UVRAG: variants seen among roughly 807,000 people sequenced by gnomAD.
UVRAG encodes the protein UV radiation resistance-associated gene protein.
Under a neutral mutation model 78.0 loss-of-function variants are expected in UVRAG, and 19 were observed. The ratio of observed to expected loss-of-function variants is 0.24; its 90% CI spans 0.17 to 0.36. The LOEUF is 0.36. Ranked by LOEUF, UVRAG falls within the 10% of genes least tolerant of loss-of-function variation. The pLI is 1.00. For missense variants in UVRAG, 740 were observed against 853.8 expected, an observed-to-expected ratio of 0.87 and a Z score of 1.66; for synonymous variants, 323 against 324.6, an observed-to-expected ratio of 1.00 and a Z score of 0.05.
At chr11:76,010,228 C>T (rs1364988763) in intron 11 of UVRAG, among the ~76,000 whole-genome samples, 2 of 152,076 alleles carry the variant, frequency 1.3e-5, no homozygotes, top group Non-Finnish European at 2.9e-5. Flanking sequence ...TCCTGGGATA[C>T]AGAACATTAT....
At chr11:76,038,837 T>C (rs573593960) in intron 12 of UVRAG, among the ~76,000 whole-genome samples, 3 of 152,310 alleles carry the variant, frequency 2.0e-5, no homozygotes, top group Non-Finnish European at 4.4e-5. Flanking sequence ...GAGTGAAATA[T>C]GGCTGACAGC....
intron 12 of UVRAG, 94 bp downstream of exon 12, chr11:76,017,074 A>T: frequency 1.1e-6 from 1 of 949,070 alleles, no homozygotes; most frequent in Non-Finnish European, 1.5e-6. Flanking sequence ...CTAAATTATG[A>T]CAACTTTTAT....
At chr11:76,052,865 C>A (rs1801903388) in intron 12 of UVRAG, among the ~76,000 whole-genome samples, 1 of 151,788 alleles carries the variant, frequency 6.6e-6, no homozygotes, top group Non-Finnish European at 1.5e-5. Context: ...GTTTATAATT[C>A]CCTATTCGAT....
chr11:75,832,298 A>G (rs1231692423), intron 1 of UVRAG, among the ~76,000 whole-genome samples: 1 of 152,182 alleles, frequency 6.6e-6, no homozygotes, highest in African/African-American at 2.4e-5. Flanking sequence ...GCTCCCACAG[A>G]CGTCAGTCCC....
intron 13 of UVRAG, among the ~76,000 whole-genome samples, chr11:76,081,123 G>T (rs915748625): frequency 6.6e-6 from 1 of 152,174 alleles, no homozygotes; most frequent in African/African-American, 2.4e-5. Flanking sequence ...AAGAGCTCTA[G>T]ATTGTGTTCT....
chr11:75,925,559 G>A (rs751369380), intron 6 of UVRAG, among the ~76,000 whole-genome samples: 9 of 152,066 alleles, frequency 5.9e-5, no homozygotes, highest in Non-Finnish European at 1.3e-4. Flanking sequence ...TATTCTAGTA[G>A]GACAGATAAC....
intron 14 of UVRAG, among the ~76,000 whole-genome samples, chr11:76,116,431 G>A (rs1952181507): frequency 6.6e-6 from 1 of 152,208 alleles, no homozygotes. Context: ...AAGCAGATAA[G>A]GAATAGGTCA....
rs1416440828 is a variant in UVRAG, at chr11:76,064,209, T to C, written c.1227-1501T>C. ...AGTTTCTAGATTTATACCTTGAAAA[T>C]AGAGATAGCTATGGGTTTGGAGAGC... is the stretch of plus-strand genomic sequence containing the variant. On this transcript the variant is annotated intron_variant, in intron 12 of 14. Transcript: ENST00000356136. Among the ~76,000 whole-genome samples, 14 of 152,296 alleles carry C rather than the reference T, an allele frequency of 9.2e-5. 1 individual carries two copies. Among genetic ancestry groups the C allele is most frequent in the South Asian group, 4.1e-4 (2 of 4,820 alleles).
chr11:75,862,080 A>G (rs1450346339), intron 3 of UVRAG, among the ~76,000 whole-genome samples: 1 of 152,142 alleles, frequency 6.6e-6, no homozygotes, highest in African/African-American at 2.4e-5. Context: ...AACTTACAGT[A>G]TAATAATAAT....
chr11:75,943,231 A>T (rs115201352), intron 6 of UVRAG, among the ~76,000 whole-genome samples: 1 of 150,976 alleles, frequency 6.6e-6, no homozygotes, highest in Non-Finnish European at 1.5e-5. Flanking sequence ...TTATCGATCT[A>T]TTCAGGTTTT....
At chr11:76,022,657 T>C (rs958807680) in intron 12 of UVRAG, among the ~76,000 whole-genome samples, 9 of 152,208 alleles carry the variant, frequency 5.9e-5, no homozygotes, top group African/African-American at 1.9e-4. Flanking sequence ...TGAACCTTTT[T>C]ATCTAGAATA....
At chr11:75,910,787 G>T (rs549898363) in intron 5 of UVRAG, among the ~76,000 whole-genome samples, 66 of 152,164 alleles carry the variant, frequency 4.3e-4, no homozygotes, top group African/African-American at 1.5e-3. Context: ...TCTTCTTCTG[G>T]AATTGTCCTG....
intron 13 of UVRAG, among the ~76,000 whole-genome samples, chr11:76,067,107 T>G (rs1951204446): frequency 6.6e-6 from 1 of 152,154 alleles, no homozygotes; most frequent in South Asian, 2.1e-4. Context: ...TTTTAATTTG[T>G]TTTTTATTAA....
intron 4 of UVRAG, among the ~76,000 whole-genome samples, chr11:75,885,860 A>T (rs1179635982): frequency 1.3e-5 from 2 of 152,160 alleles, no homozygotes; most frequent in Non-Finnish European, 2.9e-5. Context: ...TGGTTGCCTT[A>T]TTCCTAATAC....
chr11:75,938,472 A>C (rs1052724683), intron 6 of UVRAG, among the ~76,000 whole-genome samples: 1 of 152,150 alleles, frequency 6.6e-6, no homozygotes, highest in Non-Finnish European at 1.5e-5. Context: ...GTTCCTATAA[A>C]TATTCTGGAA....
chr11:75,938,392 AT>A (rs1386993959), intron 6 of UVRAG, among the ~76,000 whole-genome samples: 1 of 152,156 alleles, frequency 6.6e-6, no homozygotes, highest in African/African-American at 2.4e-5. Flanking sequence ...ACTTCTCTGC[AT>A]ATACAGTCAT....
chr11:75,994,234 A>G (rs1188285527), intron 8 of UVRAG, among the ~76,000 whole-genome samples: 1 of 152,224 alleles, frequency 6.6e-6, no homozygotes, highest in African/African-American at 2.4e-5. Context: ...ACTTTTTAAT[A>G]CAATTACTTT....
intron 12 of UVRAG, among the ~76,000 whole-genome samples, chr11:76,065,114 G>T (rs1951163061): frequency 6.6e-6 from 1 of 152,208 alleles, no homozygotes; most frequent in African/African-American, 2.4e-5. Flanking sequence ...AGTGAGGCAG[G>T]TTAAAATGGA....
intron 6 of UVRAG, among the ~76,000 whole-genome samples, chr11:75,923,668 G>T (rs2135076984): frequency 6.6e-6 from 1 of 152,194 alleles, no homozygotes; most frequent in Admixed American, 6.5e-5. Context: ...TTTTATAAGG[G>T]TAAATCTTCT....
Sources: gnomAD v4.1 joint callset for allele counts (sites outside exome capture counted in the v4.1 genomes callset) on GRCh38, gnomAD v4.1.1 for gene constraint, MANE v1.5 for transcripts, NCBI Gene and HGNC (gene_info 2026-07-23, HGNC 2026-07-21) for gene names.